Variants in HOXB13 observed in about 807,000 individuals in gnomAD.
The protein encoded by HOXB13 is homeobox B13.
HOXB13 carries 22 observed loss-of-function variants against 23.1 expected under a neutral mutation model. The ratio of observed to expected loss-of-function variants is 0.95; its 90% CI spans 0.68 to 1.36. The LOEUF (loss-of-function observed/expected upper bound fraction) is 1.36, where lower values mean the gene tolerates loss of function less well. Ranked by LOEUF, HOXB13 falls within the 40% of genes most tolerant of loss-of-function variation. The pLI is 0.00. For missense variants in HOXB13, 386 were observed against 376.2 expected (o/e 1.03, Z -0.22); for synonymous variants, 173 against 157.9 (o/e 1.10, Z -0.72).
At chr17:48,727,127 G>C in intron 1 of HOXB13, 84 bp from the exon 2 acceptor site, 8 of 1,537,272 alleles carry the variant, frequency 5.2e-6, no homozygotes, top group Non-Finnish European at 7.0e-6. Flanking sequence ...CCCAAGCTAA[G>C]TCATCTCACA....
rs2038214242 is a variant in HOXB13 at position 48,726,778 on chromosome 17, C to A, written c.*12G>T. 1 of 1,612,268 alleles carries A rather than the reference C, an allele frequency of 6.2e-7. No individual in the cohort carries two copies. The highest frequency in any genetic ancestry group is 8.5e-7 in the Non-Finnish European group (1 of 1,178,598). ...CCCACTTTCGCTCCTCCCACCCAGG[C>A]AAGGAGATCTCTTAAGGGGTAGCGC... On this transcript the variant is annotated 3_prime_UTR_variant, in exon 2 of 2. Coordinates refer to ENST00000290295, the MANE Select transcript of HOXB13 (RefSeq NM_006361.6).
rs753501228 is a variant in HOXB13 at position 48,727,048 on chromosome 17, G to A, written c.602-5C>T. On this transcript the variant is annotated splice_polypyrimidine_tract_variant and splice_region_variant and intron_variant, in intron 1 of 1. Coordinates refer to ENST00000290295, the MANE Select transcript of HOXB13 (RefSeq NM_006361.6). Reference sequence around the variant, plus strand: ...GAGGGTGCTGCCCGCTGGAGTCTGCGCGGCGTGAAAGGGAGGGAGGAAAAG... The same window carrying A: ...GAGGGTGCTGCCCGCTGGAGTCTGCACGGCGTGAAAGGGAGGGAGGAAAAG... The A allele has an allele frequency of 9.4e-6, 15 of 1,604,150 alleles. No homozygotes were observed. In the East Asian group the frequency reaches 2.9e-4, roughly 31 times the overall value.
rs144241488 is a variant in HOXB13 at position 48,726,244 on chromosome 17, T to C, written c.*546A>G. ...GAGGAAGAGACAGCCTCTACAATTG[T>C]CCACCTACCCAGCTGTCAGCTGAGA... On this transcript the variant is annotated 3_prime_UTR_variant, in exon 2 of 2. Transcript: ENST00000290295. The C allele has an allele frequency of 8.8e-4, 136 of 155,002 alleles. No homozygotes were observed. The highest frequency in any genetic ancestry group is 1.7e-3 in the Non-Finnish European group (117 of 69,758). The allele number at this position is 155,002 out of a possible 1,614,324, so 9.6% of individuals were successfully genotyped here.
chr17:48,728,368 C>A lies in HOXB13; in HGVS notation c.226G>T (p.Ala76Ser), dbSNP rs1390422355. 5 of 1,613,828 alleles carry A rather than the reference C, an allele frequency of 3.1e-6. No homozygotes were observed. The South Asian group carries it at 3.3e-5, about 11-fold the overall frequency. Residue 76 changes from alanine (A) to serine (S), a missense_variant, in exon 1 of 2, where the codon GCT (alanine) becomes TCT (serine). Coordinates refer to ENST00000290295, the MANE Select transcript of HOXB13 (RefSeq NM_006361.6). ...CPGVPQGTSP[A>S]PVPYGYFGGG... ...CCAAAGTAACCATAAGGCACGGGAG[C>A]TGGGGACGTCCCCTGGGGCACCCCA...
At chr17:48,727,899 G>T in intron 1 of HOXB13, 94 bp downstream of exon 1, 1 of 1,442,522 alleles carries the variant, frequency 6.9e-7, no homozygotes, top group Non-Finnish European at 9.4e-7. Context: ...ATCCTCACCA[G>T]CTCCAAGTCT....
Position 48,728,440 on chromosome 17 carries a change from C to A in HOXB13, c.154G>T (p.Asp52Tyr), listed in dbSNP as rs1597935002. Reference sequence around the variant, plus strand: ...GGCGGCTCCGCCGAGCCTGGCAGATCCAAGGGGGCATAGTTGACAGCAGGC... The same window carrying A: ...GGCGGCTCCGCCGAGCCTGGCAGATACAAGGGGGCATAGTTGACAGCAGGC... ...LMPAVNYAPL[D>Y]LPGSAEPPKQ... Residue 52 changes from aspartate (D) to tyrosine (Y), a missense_variant, in exon 1 of 2, where the codon GAT becomes TAT. Asp to Tyr is a radical substitution (Grantham distance 160, BLOSUM62 -3). Coordinates refer to ENST00000290295, the MANE Select transcript of HOXB13 (RefSeq NM_006361.6). 1 of 1,613,240 alleles carries A rather than the reference C, an allele frequency of 6.2e-7. No individual in the cohort carries two copies. The highest frequency in any genetic ancestry group is 1.1e-5 in the South Asian group (1 of 91,012).
Position 48,728,264 on chromosome 17 carries a change from G to A in HOXB13, c.330C>T (p.Pro110=), listed in dbSNP as rs33993186. The A allele has an allele frequency of 6.2e-7, 1 of 1,614,186 alleles. No homozygotes were observed. Among genetic ancestry groups the A allele is most frequent in the East Asian group, 2.2e-5 (1 of 44,868 alleles). ...CTTCCCCGGCCGTGGGAGTCTCCGC[G>A]GGGTACGCGGCCAGGGTGGCTGCCT... ...CAQAATLAAY[P]AETPTAGEEY... Residue 110 remains proline (P), a synonymous_variant, in exon 1 of 2, where the codon CCC becomes CCT. Coordinates refer to ENST00000290295, the MANE Select transcript of HOXB13 (RefSeq NM_006361.6).
chr17:48,725,124 G>T lies in HOXB13; in HGVS notation c.*1666C>A. ...GGAGTAAGAACCTGCGATATTGAAA[G>T]CTACCCACATGGGGCTTCCTTGAAG... On this transcript the variant is annotated 3_prime_UTR_variant, in exon 2 of 2. Transcript: ENST00000290295. The T allele has an allele frequency of 6.5e-6, 1 of 154,162 alleles. No homozygotes were observed. Among genetic ancestry groups the T allele is most frequent in the Non-Finnish European group, 1.4e-5 (1 of 69,368 alleles). 9.5% of individuals were successfully genotyped at this position (154,162 alleles called of 1,614,324 possible). A position where few individuals can be genotyped will look rare whatever the true frequency, so the allele number is the denominator to read the frequency against.
chr17:48,727,915 C>G, intron 1 of HOXB13, 78 bp downstream of exon 1: 1 of 1,510,254 alleles, frequency 6.6e-7, no homozygotes, highest in Non-Finnish European at 8.9e-7. Flanking sequence ...AGTCTCCCTC[C>G]TCCTCCTCCC....
Position 48,728,602 on chromosome 17 carries a change from G to T in HOXB13, c.-9C>A. The T allele has an allele frequency of 6.2e-7, 1 of 1,611,414 alleles. No individual in the cohort carries two copies. The highest frequency in any genetic ancestry group is 8.5e-7 in the Non-Finnish European group (1 of 1,179,810). ...TAATTGCCGGGCTCCATGGAGCCGAGGGTCGGCTCATGAGGTGCGGGGGCG... is the reference window on the plus strand; with the variant it reads ...TAATTGCCGGGCTCCATGGAGCCGATGGTCGGCTCATGAGGTGCGGGGGCG... On this transcript the variant is annotated 5_prime_UTR_variant, in exon 1 of 2. Coordinates refer to ENST00000290295, the MANE Select transcript of HOXB13 (RefSeq NM_006361.6).
At position 48,728,624 on chromosome 17, in the gene HOXB13, G is replaced by T; in HGVS notation, c.-31C>A. ...CGAGGGTCGGCTCATGAGGTGCGGG[G>T]GCGGGGAATCTAGGGGGCACCCAGC... On this transcript the variant is annotated 5_prime_UTR_variant, in exon 1 of 2. Transcript: ENST00000290295. The T allele has an allele frequency of 6.2e-7, 1 of 1,609,136 alleles. No homozygotes were observed. The highest frequency in any genetic ancestry group is 1.1e-5 in the South Asian group (1 of 90,682).
At position 48,724,957 on chromosome 17, in the gene HOXB13, C is replaced by G. The variant is rs145426191; in HGVS notation, c.*1833G>C. 428 of 294,562 alleles carry G rather than the reference C, an allele frequency of 1.5e-3. No homozygotes were observed. The highest frequency in any genetic ancestry group is 8.6e-3 in the African/African-American group (397 of 46,284). 18.2% of individuals were successfully genotyped at this position (294,562 alleles called of 1,614,324 possible). The stretch of plus-strand genomic sequence containing the variant: ...CCTTTTTCCTCTCTCCAAGGGGTCA[C>G]CCCGCACCATGCCGCTCCCCCTCAT... On this transcript the variant is annotated 3_prime_UTR_variant, in exon 2 of 2. Transcript: ENST00000290295.
rs2143061297 is a variant in HOXB13 at position 48,725,773 on chromosome 17, A to G, written c.*1017T>C. 6.6e-6 allele frequency: 1 copy of G among 152,396 alleles called. No individual in the cohort carries two copies. Among genetic ancestry groups the G allele is most frequent in the Non-Finnish European group, 1.5e-5 (1 of 68,080 alleles). 9.4% of individuals were successfully genotyped at this position (152,396 alleles called of 1,614,324 possible). On this transcript the variant is annotated 3_prime_UTR_variant, in exon 2 of 2. Transcript: ENST00000290295. ...AGGTACAGGACATCAGAGAATGAAC[A>G]CAGAGGCAGAGGCCCTCATGTCCCT...
In HOXB13 at chr17:48,727,967, AAGGGGACCC is replaced by A. The variant is rs1432261093; in HGVS notation, c.601+17_601+25del. 3.7e-6 allele frequency: 6 copies of A among 1,600,576 alleles called. No individual in the cohort carries two copies. In the African/African-American group the frequency reaches 8.0e-5, roughly 21 times the overall value. On this transcript the variant is annotated intron_variant, in intron 1 of 1. Transcript: ENST00000290295. ...GACCCACAACCCCAGGCTCAGAGACAAGGGGACCCAGGGTAATAGAGGTACCTGCAAATG... is the reference window on the plus strand; with the variant it reads ...GACCCACAACCCCAGGCTCAGAGACAAGGGTAATAGAGGTACCTGCAAATG...
intron 1 of HOXB13, 42 bp downstream of exon 1, chr17:48,727,951 C>A (rs1224230828): frequency 6.3e-7 from 1 of 1,584,788 alleles, no homozygotes; most frequent in East Asian, 2.2e-5. Context: ...GGACCCACAA[C>A]CCCAGGCTCA....
chr17:48,728,100 G>A lies in HOXB13; in HGVS notation c.494C>T (p.Pro165Leu). 1 of 1,614,202 alleles carries A rather than the reference G, an allele frequency of 6.2e-7. No individual in the cohort carries two copies. The highest frequency in any genetic ancestry group is 8.5e-7 in the Non-Finnish European group (1 of 1,180,042). Residue 165 changes from proline to leucine, a missense_variant, in exon 1 of 2, where the codon CCT (proline) becomes CTT (leucine). Pro to Leu is a moderately conservative substitution (Grantham distance 98, BLOSUM62 -3). Transcript: ENST00000290295. ...AGCCCAAGACTGGTAACTGTCCACA[G>A]GCAACAGGGAGTCATGTCGCGGTTC... ...PGEPRHDSLLPVDSYQSWALA... is the reference protein window; with the variant it reads ...PGEPRHDSLLLVDSYQSWALA...
At position 48,727,910 on chromosome 17, in the gene HOXB13, C is replaced by CCCT. The variant is rs2038227205; in HGVS notation, c.601+80_601+82dup. 4 of 1,483,614 alleles carry CCCT rather than the reference C, an allele frequency of 2.7e-6. No homozygotes were observed. In the East Asian group the frequency reaches 6.8e-5, roughly 25 times the overall value. 91.9% of individuals were successfully genotyped at this position (1,483,614 alleles called of 1,614,324 possible). On this transcript the variant is annotated intron_variant, in intron 1 of 1. Transcript: ENST00000290295. The stretch of plus-strand genomic sequence containing the variant: ...GCTCATCCTCACCAGCTCCAAGTCT[C>CCCT]CCTCCTCCTCCTCCCAGGGAAATGC...
rs529392210 is a variant in HOXB13, at chr17:48,728,341, C to T, written c.253G>A (p.Gly85Ser). 1.9e-6 allele frequency: 3 copies of T among 1,614,032 alleles called. No homozygotes were observed. Among genetic ancestry groups the T allele is most frequent in the Admixed American group, 3.3e-5 (2 of 60,034 alleles). The change falls in exon 1 of 2, where the codon GGC becomes AGC. Residue 85 changes from glycine (G) to serine (S), a missense_variant. Gly to Ser is a moderately conservative substitution (Grantham distance 56, BLOSUM62 0). Transcript: ENST00000290295. ...GACACTCGGCAGGAGTAGTACCCGC[C>T]TCCAAAGTAACCATAAGGCACGGGA... ...PAPVPYGYFG[G>S]GYYSCRVSRS...
chr17:48,727,929 G>T lies in HOXB13; in HGVS notation c.601+64C>A, dbSNP rs1597933603. ...AAGTCTCCCTCCTCCTCCTCCCAGG[G>T]AAATGCCATTGGGACCCACAACCCC... On this transcript the variant is annotated intron_variant, in intron 1 of 1. Coordinates refer to ENST00000290295, the MANE Select transcript of HOXB13 (RefSeq NM_006361.6). 6.5e-7 allele frequency: 1 copy of T among 1,548,360 alleles called. No homozygotes were observed. Among genetic ancestry groups the T allele is most frequent in the South Asian group, 1.2e-5 (1 of 81,202 alleles).
Sources: allele counts gnomAD v4.1 joint callset, GRCh38; gene constraint gnomAD v4.1.1; transcripts MANE v1.5; gene names NCBI Gene and HGNC (gene_info 2026-07-23, HGNC 2026-07-21).